DGKB: variants seen among roughly 807,000 people sequenced by gnomAD.
DGKB encodes the protein 90 kDa diacylglycerol kinase.
DGKB carries 67 observed loss-of-function variants against 114.3 expected under a neutral mutation model. That is an observed-to-expected ratio of 0.59 (90% CI 0.48 to 0.72). The LOEUF (loss-of-function observed/expected upper bound fraction) is 0.72, where lower values mean the gene tolerates loss of function less well. Ranked by LOEUF, DGKB falls within the 30% of genes least tolerant of loss-of-function variation. The probability of loss-of-function intolerance (pLI) is 0.00; values close to 1 mark genes in which losing one functional copy is unlikely to be tolerated. For synonymous variants in DGKB, 398 were observed against 323.1 expected, an observed-to-expected ratio of 1.23 and a Z score of -2.49; for missense variants, 907 against 975.2, an observed-to-expected ratio of 0.93 and a Z score of 0.93.
intron 20 of DGKB, among the ~76,000 whole-genome samples, chr7:14,508,832 A>G (rs1298378434): frequency 1.3e-5 from 2 of 151,646 alleles, no homozygotes; most frequent in African/African-American, 4.9e-5. Flanking sequence ...TTTTGTTACT[A>G]TACTATCATT....
intron 23 of DGKB, among the ~76,000 whole-genome samples, chr7:14,281,675 T>C (rs1014948315): frequency 1.5e-4 from 23 of 151,512 alleles, no homozygotes; most frequent in Non-Finnish European, 2.9e-4. Flanking sequence ...CAGACCACAG[T>C]GCAATCAAAC....
At chr7:14,945,366 C>T (rs1785814210) in intron 1 of DGKB, among the ~76,000 whole-genome samples, 1 of 151,784 alleles carries the variant, frequency 6.6e-6, no homozygotes. Context: ...CACATTTGTC[C>T]TGTTCTAGTT....
At chr7:14,774,545 C>G (rs1418033458) in intron 2 of DGKB, among the ~76,000 whole-genome samples, 1 of 152,142 alleles carries the variant, frequency 6.6e-6, no homozygotes, top group African/African-American at 2.4e-5. Flanking sequence ...ATGAGGGTAT[C>G]TCATTGATGA....
chr7:14,729,063 AT>A (rs1285342145), intron 5 of DGKB, among the ~76,000 whole-genome samples: 4 of 146,712 alleles, frequency 2.7e-5, no homozygotes, highest in Admixed American at 2.7e-4. Flanking sequence ...TGGTACACGT[AT>A]TTACTTTTCT....
intron 1 of DGKB, among the ~76,000 whole-genome samples, chr7:14,854,400 C>T (rs139115332): frequency 2.6e-5 from 4 of 152,106 alleles, no homozygotes; most frequent in African/African-American, 9.7e-5. Flanking sequence ...CTTTTTGGCA[C>T]CAGGGACCGG....
intron 25 of DGKB, among the ~76,000 whole-genome samples, chr7:14,169,410 A>G (rs922350177): frequency 2.0e-5 from 3 of 151,722 alleles, no homozygotes; most frequent in Non-Finnish European, 4.4e-5. Context: ...GTCCTAGATA[A>G]CTACTGGAAG....
At chr7:14,617,259 T>C (rs990507733) in intron 15 of DGKB, among the ~76,000 whole-genome samples, 2 of 151,690 alleles carry the variant, frequency 1.3e-5, no homozygotes, top group African/African-American at 4.8e-5. Flanking sequence ...AATTTCCCTC[T>C]AAACATTCAT....
chr7:14,661,753 C>A (rs1817132830), intron 13 of DGKB, among the ~76,000 whole-genome samples: 1 of 151,576 alleles, frequency 6.6e-6, no homozygotes, highest in South Asian at 2.1e-4. Flanking sequence ...GACACATGCA[C>A]ACGTATGTTT....
intron 1 of DGKB, among the ~76,000 whole-genome samples, chr7:14,968,535 G>A (rs1036535661): frequency 1.3e-5 from 2 of 152,006 alleles, no homozygotes; most frequent in Non-Finnish European, 2.9e-5. Context: ...CACTTTCCTG[G>A]GGTTCCTTTT....
chr7:14,602,233 A>ACCTTGAGT (rs1465529309), intron 17 of DGKB, among the ~76,000 whole-genome samples: 5 of 152,170 alleles, frequency 3.3e-5, no homozygotes, highest in Non-Finnish European at 4.4e-5. Context: ...GATGGATCAT[A>ACCTTGAGT]CCTTGAGTCT....
At chr7:14,223,219 C>T (rs1370118540) in intron 23 of DGKB, among the ~76,000 whole-genome samples, 1 of 151,522 alleles carries the variant, frequency 6.6e-6, no homozygotes, top group East Asian at 1.9e-4. Flanking sequence ...AAATCTATTG[C>T]TTTCTTTTGC....
At chr7:14,679,306 C>T (rs1346828270) in intron 12 of DGKB, among the ~76,000 whole-genome samples, 2 of 151,974 alleles carry the variant, frequency 1.3e-5, no homozygotes, top group Non-Finnish European at 2.9e-5. Flanking sequence ...AACATATCTA[C>T]AGAGAATTTT....
At position 14,590,833 on chromosome 7, in the gene DGKB, TA is replaced by T. The variant is rs1267184711; in HGVS notation, c.1434-7697del. Reference sequence around the variant, plus strand: ...TCACATGTTATTACTGATTTAATTATATTTTTTTCTTTATTAAAAGTAGTAT... The same window carrying T: ...TCACATGTTATTACTGATTTAATTATTTTTTTTCTTTATTAAAAGTAGTAT... On this transcript the variant is annotated intron_variant, in intron 17 of 25. Transcript: ENST00000402815. Among the ~76,000 whole-genome samples the T allele has an allele frequency of 5.3e-5, 8 of 152,246 alleles. No homozygotes were observed. In the South Asian group the frequency reaches 8.3e-4, roughly 16 times the overall value.
At chr7:14,967,610 C>T (rs906555854) in intron 1 of DGKB, among the ~76,000 whole-genome samples, 14 of 148,010 alleles carry the variant, frequency 9.5e-5, no homozygotes, top group East Asian at 4.0e-4. Context: ...TGCGAGCCAC[C>T]GCGCCCAGCC....
intron 5 of DGKB, among the ~76,000 whole-genome samples, chr7:14,729,538 A>C (rs1030835393): frequency 2.6e-5 from 4 of 152,174 alleles, no homozygotes; most frequent in African/African-American, 9.7e-5. Context: ...GACATTAAAA[A>C]ATTTTTGAAT....
intron 21 of DGKB, among the ~76,000 whole-genome samples, chr7:14,452,546 T>C (rs1384976032): frequency 6.6e-6 from 1 of 152,044 alleles, no homozygotes; most frequent in Non-Finnish European, 1.5e-5. Flanking sequence ...AATCATTTCA[T>C]AGTGTAACTT....
At position 14,799,927 on chromosome 7, in the gene DGKB, T is replaced by A. The variant is rs370459090; in HGVS notation, c.70+41267A>T. Among the ~76,000 whole-genome samples, 3 of 149,610 alleles carry A rather than the reference T, an allele frequency of 2.0e-5. No homozygotes were observed. The South Asian group carries it at 6.3e-4, about 31-fold the overall frequency. The stretch of plus-strand genomic sequence containing the variant: ...TATAATTATTCTCCTTTTCTTTTCT[T>A]TTTTTTTTTGACAGAGTCTCACTCT... On this transcript the variant is annotated intron_variant, in intron 2 of 25. Coordinates refer to ENST00000402815, the MANE Select transcript of DGKB (RefSeq NM_001350709.2).
At chr7:14,351,896 G>A (rs1026074601) in intron 21 of DGKB, among the ~76,000 whole-genome samples, 1 of 152,052 alleles carries the variant, frequency 6.6e-6, no homozygotes, top group Non-Finnish European at 1.5e-5. Context: ...ACAGAAATGT[G>A]TACTTTTTTT....
At chr7:14,564,230 A>G (rs2128679823) in intron 20 of DGKB, among the ~76,000 whole-genome samples, 1 of 152,156 alleles carries the variant, frequency 6.6e-6, no homozygotes, top group South Asian at 2.1e-4. Flanking sequence ...TTAGTGTTCC[A>G]CCTGGAAAGA....
Sources: gnomAD v4.1 joint callset for allele counts (sites outside exome capture counted in the v4.1 genomes callset) on GRCh38, gnomAD v4.1.1 for gene constraint, MANE v1.5 for transcripts, NCBI Gene and HGNC (gene_info 2026-07-23, HGNC 2026-07-21) for gene names.